GNB1: variants seen among roughly 807,000 people sequenced by gnomAD.
GNB1 encodes the protein G protein subunit beta 1, also known as guanine nucleotide-binding protein G(I)/G(S)/G(T) subunit beta-1.
In GNB1, 2 loss-of-function variants were observed where a neutral mutation model predicts 42.9. The ratio of observed to expected loss-of-function variants is 0.05; its 90% CI spans 0.02 to 0.15. The LOEUF is 0.15. GNB1 is among the 10% of genes least tolerant of loss of function. GNB1 has a pLI of 1.00. For synonymous variants in GNB1, 183 were observed against 174.7 expected (o/e 1.05, Z -0.38); for missense variants, 193 against 462.2 (o/e 0.42, Z 5.34).
At position 1,803,843 on chromosome 1, in the gene GNB1, G is replaced by A. The variant is rs184243301; in HGVS notation, c.430+576C>T. Among the ~76,000 whole-genome samples, 103 of 152,100 alleles carry A rather than the reference G, an allele frequency of 6.8e-4. 2 individuals carry two copies. In the East Asian group the frequency reaches 0.014, roughly 21 times the overall value. On this transcript the variant is annotated intron_variant, in intron 7 of 11. Coordinates refer to ENST00000378609, the MANE Select transcript of GNB1 (RefSeq NM_002074.5). ...CTAAAAATACAAAAATTAGCTGGGC[G>A]TGGTGGCGGACACCTGTGGTCCCAG...
chr1:1,826,841 A>T (rs544708841), intron 2 of GNB1, among the ~76,000 whole-genome samples: 15 of 152,364 alleles, frequency 9.8e-5, no homozygotes, highest in African/African-American at 3.6e-4. Context: ...AGAGAATGTC[A>T]TAAATGGAGG....
At chr1:1,832,397 C>T (rs907340084) in intron 2 of GNB1, 3 of 152,170 alleles carry the variant, frequency 2.0e-5, no homozygotes, top group African/African-American at 7.2e-5. Context: ...TCCACTAAGA[C>T]AGGCTCTGCT....
In GNB1 at chr1:1,790,638, T is replaced by C. The variant is rs767405075; in HGVS notation, c.498-42A>G. ...TGACAAGGGGACATCAGCCTTAACT[T>C]CTTGGGTGGCTAGTCATGTGACAGA... On this transcript the variant is annotated intron_variant, in intron 8 of 11. Coordinates refer to ENST00000378609, the MANE Select transcript of GNB1 (RefSeq NM_002074.5). This position sits in a 1 kb window ranked among gnomAD's most constrained non-coding sequence, Gnocchi z 5.4. 22 of 1,394,796 alleles carry C rather than the reference T, an allele frequency of 1.6e-5. No homozygotes were observed. Among genetic ancestry groups the C allele is most frequent in the Non-Finnish European group, 2.1e-5 (21 of 985,758 alleles). The allele number at this position is 1,394,796 out of a possible 1,614,324, so 86.4% of individuals were successfully genotyped here. A position where few individuals can be genotyped will look rare whatever the true frequency, so the allele number is the denominator to read the frequency against.
intron 7 of GNB1, among the ~76,000 whole-genome samples, chr1:1,795,344 T>A (rs903157738): frequency 6.6e-6 from 1 of 152,078 alleles, no homozygotes; most frequent in Non-Finnish European, 1.5e-5. Context: ...CCACCGAGCC[T>A]TGTAGCACTT....
chr1:1,808,513 G>A (rs1215478001), intron 5 of GNB1, among the ~76,000 whole-genome samples: 1 of 152,200 alleles, frequency 6.6e-6, no homozygotes, highest in Non-Finnish European at 1.5e-5. Context: ...AGCACAGAAT[G>A]CTGTTTTCAA....
intron 7 of GNB1, among the ~76,000 whole-genome samples, chr1:1,800,162 A>G (rs1024497925): frequency 1.3e-5 from 2 of 152,212 alleles, no homozygotes; most frequent in African/African-American, 4.8e-5. Context: ...AAAAAATAGC[A>G]AAATGTCACT....
chr1:1,870,040 T>C (rs1438475569), intron 1 of GNB1, among the ~76,000 whole-genome samples: 1 of 152,156 alleles, frequency 6.6e-6, no homozygotes, highest in African/African-American at 2.4e-5. Flanking sequence ...TTTTTGTTTT[T>C]AGTAGAGACG....
chr1:1,855,594 G>C (rs763759614), intron 1 of GNB1, among the ~76,000 whole-genome samples: 12 of 151,798 alleles, frequency 7.9e-5, no homozygotes, highest in Non-Finnish European at 1.3e-4. Flanking sequence ...CCAGCTACTC[G>C]GGAGGCTGAG....
At chr1:1,861,606 G>T (rs1175739863) in intron 1 of GNB1, among the ~76,000 whole-genome samples, 2 of 151,916 alleles carry the variant, frequency 1.3e-5, no homozygotes, top group Non-Finnish European at 2.9e-5. Context: ...GGGGGTTGGT[G>T]GTGGGGGAGA....
chr1:1,876,385 A>C (rs558934934), intron 1 of GNB1, among the ~76,000 whole-genome samples: 1 of 152,208 alleles, frequency 6.6e-6, no homozygotes, highest in East Asian at 1.9e-4. Flanking sequence ...TCCTGGGTTC[A>C]AGCAATCCTC....
intron 3 of GNB1, chr1:1,825,186 A>C: frequency 1.8e-6 from 1 of 547,134 alleles, no homozygotes; most frequent in Non-Finnish European, 3.3e-6. Flanking sequence ...GTGTATATTC[A>C]AATAACAAAT....
chr1:1,871,374 T>G (rs140075436), intron 1 of GNB1, among the ~76,000 whole-genome samples: 43 of 152,124 alleles, frequency 2.8e-4, no homozygotes, highest in African/African-American at 9.6e-4. Context: ...GCAGGAGTAT[T>G]GCTTGAACGT....
chr1:1,877,486 C>T (rs1214619378), intron 1 of GNB1, among the ~76,000 whole-genome samples: 1 of 151,544 alleles, frequency 6.6e-6, no homozygotes, highest in African/African-American at 2.4e-5. Flanking sequence ...CCTAATTTCC[C>T]TTTTTTATAA....
intron 3 of GNB1, among the ~76,000 whole-genome samples, chr1:1,819,516 T>C (rs1646902646): frequency 1.3e-5 from 2 of 151,646 alleles, no homozygotes; most frequent in Non-Finnish European, 2.9e-5. Flanking sequence ...CCACCCCGCC[T>C]GGCCTCTTTT....
rs1557880701 is a variant in GNB1, at chr1:1,790,644, G to GT, written c.498-49dup. The GT allele has an allele frequency of 1.5e-6, 2 of 1,336,634 alleles. No individual in the cohort carries two copies. The highest frequency in any genetic ancestry group is 2.4e-5 in the South Asian group (2 of 83,790). The allele number at this position is 1,336,634 out of a possible 1,614,324, so 82.8% of individuals were successfully genotyped here. ...GGGGACATCAGCCTTAACTTCTTGG[G>GT]TGGCTAGTCATGTGACAGACAATCT... On this transcript the variant is annotated intron_variant, in intron 8 of 11. Coordinates refer to ENST00000378609, the MANE Select transcript of GNB1 (RefSeq NM_002074.5). This position sits in a 1 kb window ranked among gnomAD's most constrained non-coding sequence, Gnocchi z 5.4.
At position 1,821,336 on chromosome 1, in the gene GNB1, C is replaced by T. The variant is rs552896014; in HGVS notation, c.58-3461G>A. Among the ~76,000 whole-genome samples, 15 of 152,258 alleles carry T rather than the reference C, an allele frequency of 9.9e-5. No homozygotes were observed. In the South Asian group the frequency reaches 3.1e-3, roughly 32 times the overall value. ...CTACTCTGTGTATTTTAAGGCACAC[C>T]ATGTTTTAATCAGAATCCCTCTGAG... On this transcript the variant is annotated intron_variant, in intron 3 of 11. Transcript: ENST00000378609.
At chr1:1,837,249 G>C (rs1647164383) in intron 2 of GNB1, among the ~76,000 whole-genome samples, 1 of 150,172 alleles carries the variant, frequency 6.7e-6, no homozygotes, top group Non-Finnish European at 1.5e-5. Flanking sequence ...ATGATCCATT[G>C]AGTTAATTTT....
In GNB1 at chr1:1,785,579, G is replaced by A. The variant is rs535288818; in HGVS notation, c.*1484C>T. The A allele has an allele frequency of 4.5e-4, 77 of 169,892 alleles. No individual in the cohort carries two copies. Among genetic ancestry groups the A allele is most frequent in the African/African-American group, 1.5e-3 (65 of 42,306 alleles). The allele number at this position is 169,892 out of a possible 1,614,324, so 10.5% of individuals were successfully genotyped here. ...CACTACTGCTGCTATGAAGGAGTGC[G>A]GGGGGCGGGGCGGGGGGTCCCACAG... On this transcript the variant is annotated 3_prime_UTR_variant, in exon 12 of 12. Transcript: ENST00000378609.
chr1:1,860,320 G>A (rs1267976210), intron 1 of GNB1, among the ~76,000 whole-genome samples: 3 of 152,132 alleles, frequency 2.0e-5, no homozygotes, highest in African/African-American at 7.2e-5. Flanking sequence ...AAAACTGACT[G>A]TTGGGTACTA....
Sources: allele counts gnomAD v4.1 joint callset (sites outside exome capture counted in the v4.1 genomes callset), GRCh38; gene constraint gnomAD v4.1.1; non-coding constraint Gnocchi (gnomAD v3.1); transcripts MANE v1.5; gene names NCBI Gene and HGNC (gene_info 2026-07-23, HGNC 2026-07-21).